Variants in SHANK2 observed in about 807,000 individuals in gnomAD.
SHANK2 encodes the protein SH3 and multiple ankyrin repeat domains protein 2.
In SHANK2, 43 loss-of-function variants were observed where a neutral mutation model predicts 133.7. That is an observed-to-expected ratio of 0.32 (90% confidence interval 0.25 to 0.41). The LOEUF (loss-of-function observed/expected upper bound fraction) is 0.41, where lower values mean the gene tolerates loss of function less well. Among genes scored for constraint, SHANK2 ranks in the 10% least tolerant of loss-of-function variants. The probability of loss-of-function intolerance (pLI) is 1.00; values close to 1 mark genes in which losing one functional copy is unlikely to be tolerated. For synonymous variants in SHANK2, 1,017 were observed against 952.8 expected (o/e 1.07, Z -1.24); for missense variants, 1,994 against 2,235.8 (o/e 0.89, Z 2.18).
intron 17 of SHANK2, among the ~76,000 whole-genome samples, chr11:70,536,456 G>A (rs2059545709): frequency 6.6e-6 from 1 of 152,152 alleles, no homozygotes; most frequent in Admixed American, 6.5e-5. Context: ...CCAGGCTGGC[G>A]AGCTGTCCCC....
intron 17 of SHANK2, among the ~76,000 whole-genome samples, chr11:70,541,421 TTCCTGGCGTGCCC>T (rs1157250255): frequency 1.3e-5 from 2 of 152,234 alleles, no homozygotes; most frequent in African/African-American, 4.8e-5. Flanking sequence ...GCTGGGCAGC[TTCCTGGCGTGCCC>T]TCCTGGCCAG....
At chr11:70,775,862 C>T (rs1320316546) in intron 14 of SHANK2, among the ~76,000 whole-genome samples, 1 of 152,252 alleles carries the variant, frequency 6.6e-6, no homozygotes, top group Admixed American at 6.5e-5. Flanking sequence ...TATTCATAAT[C>T]CCCGAATCTG....
intron 11 of SHANK2, among the ~76,000 whole-genome samples, chr11:70,885,503 CT>C (rs1307246222): frequency 1.3e-5 from 2 of 152,248 alleles, no homozygotes; most frequent in African/African-American, 4.8e-5. Flanking sequence ...CCCAGTCCCC[CT>C]GAACAGTGCT....
chr11:70,749,129 C>A (rs1009929731), intron 14 of SHANK2, among the ~76,000 whole-genome samples: 49 of 152,214 alleles, frequency 3.2e-4, no homozygotes, highest in African/African-American at 1.1e-3. Context: ...GTGGCACAGG[C>A]GACTAAAACC....
Position 70,695,978 on chromosome 11 carries a change from G to A in SHANK2, c.1853+2710C>T, listed in dbSNP as rs377582204. Among the ~76,000 whole-genome samples, 75 of 148,914 alleles carry A rather than the reference G, an allele frequency of 5.0e-4. 1 individual carries two copies. The highest frequency in any genetic ancestry group is 1.7e-3 in the African/African-American group (71 of 41,234). On this transcript the variant is annotated intron_variant, in intron 15 of 25. Coordinates refer to ENST00000601538, the MANE Select transcript of SHANK2 (RefSeq NM_012309.5). ...CAGTTGACCCCAGTGTGGTCTGCATGTTCCTCCTCTCTGAGGTGAGGTCCC... is the reference window on the plus strand; with the variant it reads ...CAGTTGACCCCAGTGTGGTCTGCATATTCCTCCTCTCTGAGGTGAGGTCCC...
At chr11:70,891,342 G>C (rs968860730) in intron 11 of SHANK2, among the ~76,000 whole-genome samples, 2 of 151,780 alleles carry the variant, frequency 1.3e-5, no homozygotes, top group Non-Finnish European at 2.9e-5. Context: ...CTCTACTAAA[G>C]ATACAAAAAA....
At chr11:71,069,349 T>C (rs1486628992) in intron 9 of SHANK2, among the ~76,000 whole-genome samples, 2 of 151,108 alleles carry the variant, frequency 1.3e-5, no homozygotes, top group Non-Finnish European at 3.0e-5. Context: ...ACCTTCATCA[T>C]TGCCACCACC....
Position 70,500,667 on chromosome 11 carries a change from G to A in SHANK2, c.2288-77C>T. On this transcript the variant is annotated intron_variant, in intron 20 of 25. Transcript: ENST00000601538. This position sits in a 1 kb window ranked among gnomAD's most constrained non-coding sequence, Gnocchi z 4.5. ...CGCAGCCTACACTCGGGCCTTGTCA[G>A]CTCAGGGCGCCTCAGGAGCAGGCTG... The A allele has an allele frequency of 1.3e-6, 2 of 1,555,404 alleles. No homozygotes were observed. The highest frequency in any genetic ancestry group is 1.4e-5 in the African/African-American group (1 of 73,572).
At chr11:71,103,048 G>A (rs1951742422) in intron 6 of SHANK2, among the ~76,000 whole-genome samples, 3 of 152,208 alleles carry the variant, frequency 2.0e-5, no homozygotes, top group East Asian at 1.9e-4. Context: ...TCTTTTGTAA[G>A]GGCACTAATC....
chr11:70,500,861 A>T lies in SHANK2; in HGVS notation c.2288-271T>A. ...TGGAAAGGGGCTTTCCTTCTTCCTC[A>T]GCACCCCTTGTCCCACCAGCACCCT... On this transcript the variant is annotated intron_variant, in intron 20 of 25. Coordinates refer to ENST00000601538, the MANE Select transcript of SHANK2 (RefSeq NM_012309.5). This position sits in a 1 kb window ranked among gnomAD's most constrained non-coding sequence, Gnocchi z 4.5. 1 of 697,728 alleles carries T rather than the reference A, an allele frequency of 1.4e-6. No individual in the cohort carries two copies. The highest frequency in any genetic ancestry group is 2.7e-6 in the Non-Finnish European group (1 of 374,058). 43.2% of individuals were successfully genotyped at this position (697,728 alleles called of 1,614,324 possible).
At chr11:71,058,196 C>G (rs1950945024) in intron 9 of SHANK2, among the ~76,000 whole-genome samples, 1 of 152,144 alleles carries the variant, frequency 6.6e-6, no homozygotes, top group South Asian at 2.1e-4. Flanking sequence ...CACCCAGCCT[C>G]TTATGCATTT....
intron 17 of SHANK2, among the ~76,000 whole-genome samples, chr11:70,508,974 T>G (rs1331744038): frequency 6.6e-6 from 1 of 152,128 alleles, no homozygotes; most frequent in African/African-American, 2.4e-5. Flanking sequence ...GGGTGATGCT[T>G]TGAGATGCTA....
rs780380157 is a variant in SHANK2, at chr11:70,540,828, G to A, written c.2062-37897C>T. Among the ~76,000 whole-genome samples the A allele has an allele frequency of 7.4e-5, 6 of 80,674 alleles. No homozygotes were observed. The East Asian group carries it at 1.1e-3, about 15-fold the overall frequency. The allele number at this position is 80,674 out of a possible 152,430, so 52.9% of individuals were successfully genotyped here. A position where few individuals can be genotyped will look rare whatever the true frequency, so the allele number is the denominator to read the frequency against. ...CACGCCACTGCACTCCAGCCTGGGC[G>A]AAAGAGTAAGACTCAAAAAAAAAAA... On this transcript the variant is annotated intron_variant, in intron 17 of 25. Coordinates refer to ENST00000601538, the MANE Select transcript of SHANK2 (RefSeq NM_012309.5).
chr11:70,633,153 T>G (rs1192624471), intron 17 of SHANK2, among the ~76,000 whole-genome samples: 3 of 149,954 alleles, frequency 2.0e-5, no homozygotes, highest in African/African-American at 7.3e-5. Context: ...GTATGTTATA[T>G]ATAACATATT....
In SHANK2 at chr11:71,055,844, A is replaced by C. The variant is rs1950911878; in HGVS notation, c.1107+637T>G. Among the ~76,000 whole-genome samples the C allele has an allele frequency of 2.0e-5, 3 of 149,408 alleles. No homozygotes were observed. In the South Asian group the frequency reaches 6.5e-4, roughly 32 times the overall value. ...ACAGGGTTTCCTTTTGGGAAAGGAAAGTTCCCAAAGCTAAGTTCTTAGCTA... is the reference window on the plus strand; with the variant it reads ...ACAGGGTTTCCTTTTGGGAAAGGAACGTTCCCAAAGCTAAGTTCTTAGCTA... On this transcript the variant is annotated intron_variant, in intron 10 of 25. Transcript: ENST00000601538.
chr11:70,826,281 C>T (rs114233235), intron 11 of SHANK2, among the ~76,000 whole-genome samples: 85 of 152,290 alleles, frequency 5.6e-4, no homozygotes, highest in African/African-American at 1.9e-3. Flanking sequence ...GACCTTCCAC[C>T]GCGTTATATT....
Position 70,616,012 on chromosome 11 carries a change from G to A in SHANK2, c.2061+43816C>T, listed in dbSNP as rs189480993. On this transcript the variant is annotated intron_variant, in intron 17 of 25. Coordinates refer to ENST00000601538, the MANE Select transcript of SHANK2 (RefSeq NM_012309.5). ...AGGAGTGGCAGACAGCGTGGATGCC[G>A]AGACCAGAGCCTGCCTCTGGGAAAT... is the stretch of plus-strand genomic sequence containing the variant. Among the ~76,000 whole-genome samples, 56 of 152,224 alleles carry A rather than the reference G, an allele frequency of 3.7e-4. 1 individual carries two copies. The highest frequency in any genetic ancestry group is 1.3e-3 in the African/African-American group (52 of 41,522).
At chr11:70,660,595 G>C (rs1555012994) in intron 16 of SHANK2, among the ~76,000 whole-genome samples, 1 of 152,218 alleles carries the variant, frequency 6.6e-6, no homozygotes, top group Non-Finnish European at 1.5e-5. Flanking sequence ...ACAGCTGCCA[G>C]GTGCAACTCC....
chr11:70,813,305 C>G (rs533682562), intron 12 of SHANK2, among the ~76,000 whole-genome samples: 1 of 152,072 alleles, frequency 6.6e-6, no homozygotes, highest in Non-Finnish European at 1.5e-5. Flanking sequence ...GGCAAGGGCA[C>G]GGGAAAGGCT....
Sources: gnomAD v4.1 joint callset for allele counts (sites outside exome capture counted in the v4.1 genomes callset) on GRCh38, gnomAD v4.1.1 for gene constraint, Gnocchi (gnomAD v3.1) non-coding constraint, MANE v1.5 for transcripts, NCBI Gene and HGNC (gene_info 2026-07-23, HGNC 2026-07-21) for gene names.